TRHDE: variants seen among roughly 807,000 people sequenced by gnomAD.
TRHDE encodes the protein thyrotropin-releasing hormone-degrading ectoenzyme.
TRHDE carries 72 observed loss-of-function variants against 125.7 expected under a neutral mutation model. The observed-to-expected ratio is 0.57, with a 90% CI of 0.47 to 0.70. The LOEUF (loss-of-function observed/expected upper bound fraction) is 0.70. TRHDE is among the 30% of genes least tolerant of loss of function. The pLI, the probability that TRHDE is intolerant of heterozygous loss-of-function variation, is 0.00. For missense variants in TRHDE, 1,110 were observed against 1,327.1 expected (o/e 0.84, Z 2.54); for synonymous variants, 509 against 509.1 (o/e 1.00, Z 0.00).
intron 7 of TRHDE, among the ~76,000 whole-genome samples, chr12:72,543,830 T>TATTATG (rs1555196091): frequency 1.0e-4 from 15 of 147,254 alleles, no homozygotes; most frequent in South Asian, 4.2e-4. Flanking sequence ...TTATTATTAT[T>TATTATG]ATGAACGTTT....
chr12:72,501,843 G>A (rs1878168068), intron 6 of TRHDE, among the ~76,000 whole-genome samples: 5 of 151,938 alleles, frequency 3.3e-5, no homozygotes, highest in Admixed American at 3.3e-4. Context: ...TTTAACTAAT[G>A]ATTTAATTTT....
intron 2 of TRHDE, among the ~76,000 whole-genome samples, chr12:72,241,413 T>G (rs988274855): frequency 6.6e-6 from 1 of 152,196 alleles, no homozygotes; most frequent in Non-Finnish European, 1.5e-5. Flanking sequence ...GTATAACCTT[T>G]TGAGATTGGC....
At chr12:72,105,048 A>G (rs1875152689) in intron 1 of TRHDE, among the ~76,000 whole-genome samples, 1 of 152,190 alleles carries the variant, frequency 6.6e-6, no homozygotes, top group African/African-American at 2.4e-5. Flanking sequence ...AGTGTGAAGT[A>G]CTTCAAGGAG....
chr12:72,490,687 T>C (rs1192285706), intron 5 of TRHDE, among the ~76,000 whole-genome samples: 1 of 150,636 alleles, frequency 6.6e-6, no homozygotes, highest in Non-Finnish European at 1.5e-5. Context: ...CTGGGACAAA[T>C]TATGCTAAGT....
Position 72,273,082 on chromosome 12 carries a change from G to T in TRHDE, c.439G>T (p.Ala147Ser), listed in dbSNP as rs1406952198. 8 of 1,524,784 alleles carry T rather than the reference G, an allele frequency of 5.2e-6. No individual in the cohort carries two copies. In the Admixed American group the frequency reaches 7.8e-5, roughly 15 times the overall value. 94.5% of individuals were successfully genotyped at this position (1,524,784 alleles called of 1,614,324 possible). Reference sequence around the variant, plus strand: ...TGGATCGGCCCGGCGCAACCACCACGCAGGCGGGGACTCCTGGCAGCCCGA... The same window carrying T: ...TGGATCGGCCCGGCGCAACCACCACTCAGGCGGGGACTCCTGGCAGCCCGA... ...LPGSARRNHH[A>S]GGDSWQPEAG... is the part of the protein sequence containing the mutation. The change falls in exon 1 of 19, where the codon GCA (alanine) becomes TCA (serine). Residue 147 changes from alanine (A) to serine (S), a missense_variant. By Grantham distance (99) the Ala-to-Ser change is moderately conservative. Transcript: ENST00000261180. The surrounding 1 kb of genome is among the most constrained non-coding windows in gnomAD (Gnocchi z 5.3).
chr12:72,402,131 A>G (rs1044477623), intron 3 of TRHDE, among the ~76,000 whole-genome samples: 1 of 152,066 alleles, frequency 6.6e-6, no homozygotes, highest in Non-Finnish European at 1.5e-5. Flanking sequence ...TGTTGGTAGG[A>G]TTGGTTTCTT....
intron 5 of TRHDE, among the ~76,000 whole-genome samples, chr12:72,492,060 TGTAA>T (rs902263820): frequency 1.3e-5 from 2 of 152,016 alleles, no homozygotes; most frequent in Admixed American, 6.6e-5. Context: ...ATCTTCTGTA[TGTAA>T]GTGTGTTTAC....
rs554165418 is a variant in TRHDE, at chr12:72,396,437, C to T, written c.1315+18316C>T. 7.0e-4 allele frequency among the ~76,000 whole-genome samples: 106 copies of T among 152,046 alleles called. 1 individual carries two copies. Among genetic ancestry groups the T allele is most frequent in the Non-Finnish European group, 1.2e-3 (83 of 68,004 alleles). ...CTCTATAGCCTATAGGAGAGTTGTT[C>T]ACTCACTCTTTCAAGACTTTATTCT... On this transcript the variant is annotated intron_variant, in intron 3 of 18. Coordinates refer to ENST00000261180, the MANE Select transcript of TRHDE (RefSeq NM_013381.3).
At chr12:72,463,050 A>C (rs1876201441) in intron 3 of TRHDE, among the ~76,000 whole-genome samples, 1 of 152,236 alleles carries the variant, frequency 6.6e-6, no homozygotes, top group Admixed American at 6.5e-5. Context: ...CACAACTTCT[A>C]ATATTAATGT....
intron 2 of TRHDE, among the ~76,000 whole-genome samples, chr12:72,250,897 A>G (rs1355267643): frequency 1.4e-5 from 2 of 142,698 alleles, no homozygotes; most frequent in African/African-American, 2.6e-5. Context: ...TTAGAGCATA[A>G]GATGCTCAGA....
intron 3 of TRHDE, among the ~76,000 whole-genome samples, chr12:72,397,961 C>T (rs1872870154): frequency 6.6e-6 from 1 of 150,622 alleles, no homozygotes; most frequent in African/African-American, 2.5e-5. Flanking sequence ...TTAGGTATAT[C>T]TCCCAATGCT....
At chr12:72,508,389 T>G (rs895397203) in intron 6 of TRHDE, among the ~76,000 whole-genome samples, 1 of 152,170 alleles carries the variant, frequency 6.6e-6, no homozygotes, top group Non-Finnish European at 1.5e-5. Context: ...AACCTAACCC[T>G]TGGATTAGTG....
intron 2 of TRHDE, among the ~76,000 whole-genome samples, chr12:72,312,450 C>T (rs1868591016): frequency 6.6e-6 from 1 of 152,012 alleles, no homozygotes; most frequent in Non-Finnish European, 1.5e-5. Context: ...ATGACCAGAC[C>T]TTCTCCAGCT....
intron 2 of TRHDE, chr12:72,256,681 C>T (rs1356938614): frequency 1.3e-5 from 2 of 152,138 alleles, no homozygotes; most frequent in Non-Finnish European, 2.9e-5. Context: ...GACAAGTTTC[C>T]AAAGAGAAGC....
At chr12:72,528,993 A>G (rs1205719874) in intron 6 of TRHDE, among the ~76,000 whole-genome samples, 1 of 152,054 alleles carries the variant, frequency 6.6e-6, no homozygotes, top group East Asian at 1.9e-4. Flanking sequence ...TATTCATTAG[A>G]TCTTCATTGT....
intron 2 of TRHDE, among the ~76,000 whole-genome samples, chr12:72,363,275 G>T (rs1366341419): frequency 1.3e-5 from 2 of 150,196 alleles, no homozygotes; most frequent in Non-Finnish European, 3.0e-5. Flanking sequence ...CATTTTATGA[G>T]GCCAGCATCA....
intron 2 of TRHDE, among the ~76,000 whole-genome samples, chr12:72,352,375 C>T (rs1263385895): frequency 6.6e-6 from 1 of 151,696 alleles, no homozygotes; most frequent in African/African-American, 2.4e-5. Context: ...GTATAGATCA[C>T]CTGACCTCAT....
At chr12:72,296,655 G>A (rs1448671413) in intron 2 of TRHDE, among the ~76,000 whole-genome samples, 1 of 152,102 alleles carries the variant, frequency 6.6e-6, no homozygotes, top group Non-Finnish European at 1.5e-5. Flanking sequence ...AAATGCCTGA[G>A]CCAGTCATGA....
chr12:72,265,754 A>G (rs1426089053), intron 2 of TRHDE, among the ~76,000 whole-genome samples: 1 of 152,022 alleles, frequency 6.6e-6, no homozygotes, highest in African/African-American at 2.4e-5. Flanking sequence ...TCTCTAACAG[A>G]AGGTGTGTTT....
Sources: allele counts gnomAD v4.1 joint callset (sites outside exome capture counted in the v4.1 genomes callset), GRCh38; gene constraint gnomAD v4.1.1; non-coding constraint Gnocchi (gnomAD v3.1); transcripts MANE v1.5; gene names NCBI Gene and HGNC (gene_info 2026-07-23, HGNC 2026-07-21).